The following COL11A1 variants were observed in gnomAD, a reference collection of about 807,000 sequenced individuals.
COL11A1 encodes the protein collagen alpha-1(XI) chain.
Under a neutral mutation model 265.2 loss-of-function variants are expected in COL11A1, and 74 were observed. The observed-to-expected ratio is 0.28, with a 90% CI of 0.23 to 0.34. The LOEUF (loss-of-function observed/expected upper bound fraction) is 0.34. COL11A1 is among the 10% of genes least tolerant of loss of function. The pLI is 1.00. For missense variants in COL11A1, 2,165 were observed against 2,263.6 expected (o/e 0.96, Z 0.88); for synonymous variants, 816 against 727.6 (o/e 1.12, Z -1.96).
chr1:102,967,447 A>G (rs957203058), intron 37 of COL11A1, among the ~76,000 whole-genome samples: 1 of 151,780 alleles, frequency 6.6e-6, no homozygotes, highest in Non-Finnish European at 1.5e-5. Flanking sequence ...TCACCGTGTT[A>G]GAAAGGATGG....
At chr1:103,028,355 T>G (rs1667722179) in intron 5 of COL11A1, among the ~76,000 whole-genome samples, 1 of 152,148 alleles carries the variant, frequency 6.6e-6, no homozygotes, top group Non-Finnish European at 1.5e-5. Context: ...CTTTTAGAGC[T>G]TATTCACTCC....
chr1:103,092,145 T>G (rs1335133922), intron 1 of COL11A1, among the ~76,000 whole-genome samples: 1 of 152,120 alleles, frequency 6.6e-6, no homozygotes, highest in African/African-American at 2.4e-5. Flanking sequence ...ATCCCATTGT[T>G]GCCTATTTAT....
At chr1:102,954,737 G>A (rs574234146) in intron 41 of COL11A1, among the ~76,000 whole-genome samples, 2 of 152,064 alleles carry the variant, frequency 1.3e-5, no homozygotes, top group East Asian at 1.9e-4. Context: ...CCAGCTACTC[G>A]GGAGGCTGAG....
chr1:103,006,325 G>C lies in COL11A1; in HGVS notation c.1684-10C>G. The C allele has an allele frequency of 6.2e-7, 1 of 1,605,050 alleles. No homozygotes were observed. Among genetic ancestry groups the C allele is most frequent in the Non-Finnish European group, 8.5e-7 (1 of 1,174,778 alleles). ...GGACGCCTCGAGGGCCCTATATCAA[G>C]ACATCATAATTAAACCATATTATAG... On this transcript the variant is annotated splice_polypyrimidine_tract_variant and intron_variant, in intron 15 of 66. Transcript: ENST00000370096.
At chr1:102,951,320 A>T (rs1246879873) in intron 41 of COL11A1, among the ~76,000 whole-genome samples, 1 of 152,210 alleles carries the variant, frequency 6.6e-6, no homozygotes, top group Admixed American at 6.5e-5. Flanking sequence ...ATTAACAAAC[A>T]ATAATATATT....
intron 5 of COL11A1, 104 bp from the exon 6 acceptor site, chr1:103,026,436 TAAG>T (rs1225760123): frequency 5.1e-6 from 4 of 786,702 alleles, no homozygotes; most frequent in Non-Finnish European, 9.1e-6. Context: ...TGTTAAGAGA[TAAG>T]AAATTAATGT....
At chr1:103,037,567 T>C (rs1668475190) in intron 4 of COL11A1, among the ~76,000 whole-genome samples, 1 of 152,184 alleles carries the variant, frequency 6.6e-6, no homozygotes, top group African/African-American at 2.4e-5. Flanking sequence ...AGATGGATTA[T>C]GTGTTTGGAC....
chr1:102,914,814 A>G lies in COL11A1; in HGVS notation c.3817-3T>C. 1 of 1,523,104 alleles carries G rather than the reference A, an allele frequency of 6.6e-7. No homozygotes were observed. The highest frequency in any genetic ancestry group is 8.8e-7 in the Non-Finnish European group (1 of 1,130,894). 94.3% of individuals were successfully genotyped at this position (1,523,104 alleles called of 1,614,324 possible). The stretch of plus-strand genomic sequence containing the variant: ...TCTCCTCTTTCTCCTTTGGGACCCT[A>G]AACAATGTTAAAAAAAAAAAAAGAA... On this transcript the variant is annotated splice_polypyrimidine_tract_variant and splice_region_variant and intron_variant, in intron 50 of 66. Transcript: ENST00000370096.
At chr1:102,942,335 G>T (rs761133376) in intron 42 of COL11A1, among the ~76,000 whole-genome samples, 10 of 152,064 alleles carry the variant, frequency 6.6e-5, no homozygotes, top group Non-Finnish European at 1.5e-4. Flanking sequence ...ATAATCTCTA[G>T]CCAGGAATCA....
At chr1:103,077,782 G>A (rs962668452) in intron 3 of COL11A1, among the ~76,000 whole-genome samples, 2 of 152,060 alleles carry the variant, frequency 1.3e-5, no homozygotes, top group Non-Finnish European at 2.9e-5. Context: ...AATTCGACAT[G>A]ATTTGCAAAA....
At chr1:103,007,503 T>A (rs1218649595) in intron 15 of COL11A1, among the ~76,000 whole-genome samples, 2 of 152,014 alleles carry the variant, frequency 1.3e-5, no homozygotes, top group African/African-American at 4.8e-5. Flanking sequence ...AAACCCAAAT[T>A]TGAAAATATA....
At chr1:102,975,265 T>TA (rs35123438) in intron 35 of COL11A1, among the ~76,000 whole-genome samples, 23,899 of 136,234 alleles carry the variant, frequency 0.18, 2,343 homozygotes, top group African/African-American at 0.28. Context: ...CAGCCCCGCT[T>TA]AAAAAAAAAA....
intron 1 of COL11A1, 152 bp from the exon 2 acceptor site, chr1:103,083,124 G>T: frequency 3.0e-6 from 2 of 674,992 alleles, no homozygotes; most frequent in South Asian, 1.9e-5. Flanking sequence ...AGTTTGGAGA[G>T]TGGGGCAGCA....
At chr1:102,967,234 T>TTTTTTTTTTTTTTG (rs1661497658) in intron 37 of COL11A1, among the ~76,000 whole-genome samples, 1 of 71,848 alleles carries the variant, frequency 1.4e-5, no homozygotes, top group Non-Finnish European at 3.1e-5. Context: ...ATTCTTTTTT[T>TTTTTTTTTTTTTTG]TTTTTTTTTT....
chr1:102,937,513 T>G (rs910468532), intron 44 of COL11A1, among the ~76,000 whole-genome samples: 1 of 152,144 alleles, frequency 6.6e-6, no homozygotes, highest in African/African-American at 2.4e-5. Flanking sequence ...TGGAGGTGTT[T>G]TGGTTCTTAA....
intron 1 of COL11A1, among the ~76,000 whole-genome samples, chr1:103,087,427 A>T (rs1327386043): frequency 6.6e-6 from 1 of 152,214 alleles, no homozygotes; most frequent in African/African-American, 2.4e-5. Flanking sequence ...TCTGATGTTT[A>T]AATTCCTTCA....
intron 4 of COL11A1, among the ~76,000 whole-genome samples, chr1:103,043,847 A>G (rs1669031927): frequency 1.3e-5 from 2 of 152,206 alleles, no homozygotes; most frequent in Middle Eastern, 3.4e-3. Context: ...AAAATGTAAT[A>G]GAAAGAAAAT....
Position 102,886,790 on chromosome 1 carries a change from A to G in COL11A1, c.4858+17T>C. The G allele has an allele frequency of 6.2e-7, 1 of 1,613,774 alleles. No homozygotes were observed. On this transcript the variant is annotated intron_variant, in intron 63 of 66. Coordinates refer to ENST00000370096, the MANE Select transcript of COL11A1 (RefSeq NM_001854.4). Reference sequence around the variant, plus strand: ...AGGGGCTCGGTACATTTGCTTTGTCATGTATTATTTACATACCATCTGGGA... The same window carrying G: ...AGGGGCTCGGTACATTTGCTTTGTCGTGTATTATTTACATACCATCTGGGA...
rs1557882148 is a variant in COL11A1 at position 102,967,224 on chromosome 1, A to ATTTTTTTTTTTTT, written c.2863-1685_2863-1684insAAAAAAAAAAAAA. ...TCACCCACAAAACCAAACATAATAAATTCTTTTTTTTTTTTTTTTTTTTTT... is the reference window on the plus strand; with the variant it reads ...TCACCCACAAAACCAAACATAATAAATTTTTTTTTTTTTTTCTTTTTTTTTTTTTTTTTTTTTT... On this transcript the variant is annotated intron_variant, in intron 37 of 66. Coordinates refer to ENST00000370096, the MANE Select transcript of COL11A1 (RefSeq NM_001854.4). Among the ~76,000 whole-genome samples the ATTTTTTTTTTTTT allele has an allele frequency of 7.3e-5, 3 of 41,226 alleles. 1 individual carries two copies. Among genetic ancestry groups the ATTTTTTTTTTTTT allele is most frequent in the East Asian group, 3.0e-3 (2 of 656 alleles). The allele number at this position is 41,226 out of a possible 152,430, so 27.0% of individuals were successfully genotyped here.
Sources: allele counts gnomAD v4.1 joint callset (sites outside exome capture counted in the v4.1 genomes callset), GRCh38; gene constraint gnomAD v4.1.1; transcripts MANE v1.5; gene names NCBI Gene and HGNC (gene_info 2026-07-23, HGNC 2026-07-21).